ZSCAN32: variants seen among roughly 807,000 people sequenced by gnomAD.
ZSCAN32 encodes the protein zinc finger and SCAN domain-containing protein 32.
In ZSCAN32, 52 loss-of-function variants were observed where a neutral mutation model predicts 47.4. The observed-to-expected ratio is 1.10, with a 90% CI of 0.88 to 1.38. The LOEUF (loss-of-function observed/expected upper bound fraction) is 1.38, where lower values mean the gene tolerates loss of function less well. Ranked by LOEUF, ZSCAN32 falls within the 40% of genes most tolerant of loss-of-function variation. The pLI, the probability that ZSCAN32 is intolerant of heterozygous loss-of-function variation, is 0.00. For missense variants in ZSCAN32, 959 were observed against 846.0 expected, an observed-to-expected ratio of 1.13 and a Z score of -1.66; for synonymous variants, 346 against 305.7, an observed-to-expected ratio of 1.13 and a Z score of -1.38.
intron 3 of ZSCAN32, among the ~76,000 whole-genome samples, chr16:3,392,561 C>G (rs974888447): frequency 4.6e-5 from 7 of 152,092 alleles, no homozygotes; most frequent in African/African-American, 1.7e-4. Context: ...GGCGTGGTGG[C>G]TCATGCCTGT....
chr16:3,384,330 T>A, intron 6 of ZSCAN32, 129 bp downstream of exon 6: 1 of 1,375,724 alleles, frequency 7.3e-7, no homozygotes, highest in Admixed American at 2.2e-5. Context: ...AAACCAAAAC[T>A]TGGATAGGGT....
chr16:3,393,214 A>AAATATATATATATTT (rs2032971997), intron 3 of ZSCAN32, among the ~76,000 whole-genome samples: 8 of 25,294 alleles, frequency 3.2e-4, no homozygotes, highest in Non-Finnish European at 3.2e-4. Context: ...ATATTTATAT[A>AAATATATATATATTT]TATATATATA....
Position 3,382,942 on chromosome 16 carries a change from T to C in ZSCAN32, c.2004A>G (p.Arg668=). The C allele has an allele frequency of 1.9e-6, 3 of 1,613,730 alleles. No individual in the cohort carries two copies. The highest frequency in any genetic ancestry group is 2.5e-6 in the Non-Finnish European group (3 of 1,179,778). The change falls in exon 7 of 7, where the codon AGA becomes AGG. Residue 668 remains arginine, a synonymous_variant. Coordinates refer to ENST00000396852, the MANE Select transcript of ZSCAN32 (RefSeq NM_001284527.2). The part of the protein sequence containing the change: ...EKPYRCSHCE[R]GFTKNSALTR... ...TGAGGGCAGAGTTCTTAGTGAAGCCTCTCTCACAGTGAGAACACCTGTAAG... is the reference window on the plus strand; with the variant it reads ...TGAGGGCAGAGTTCTTAGTGAAGCCCCTCTCACAGTGAGAACACCTGTAAG...
chr16:3,395,243 A>G (rs751845851), intron 2 of ZSCAN32, among the ~76,000 whole-genome samples: 3 of 152,042 alleles, frequency 2.0e-5, no homozygotes, highest in Admixed American at 6.6e-5. Flanking sequence ...AATTATATCA[A>G]CCTCTATTAC....
intron 5 of ZSCAN32, among the ~76,000 whole-genome samples, chr16:3,385,212 G>A (rs1354801847): frequency 1.3e-5 from 2 of 152,108 alleles, no homozygotes; most frequent in Non-Finnish European, 2.9e-5. Flanking sequence ...TGTAGTCCCA[G>A]CTACTCAGGA....
In ZSCAN32 at chr16:3,382,692, T is replaced by C. The variant is rs1310896918; in HGVS notation, c.*160A>G. The C allele has an allele frequency of 1.6e-5, 18 of 1,143,712 alleles. No individual in the cohort carries two copies. The African/African-American group carries it at 2.3e-4, about 15-fold the overall frequency. The allele number at this position is 1,143,712 out of a possible 1,614,324, so 70.8% of individuals were successfully genotyped here. The stretch of plus-strand genomic sequence containing the variant: ...GAGTCACAGGCACAGCCAGGAGAGG[T>C]CAGCGTCCTTATGCTGACTCCTGGT... On this transcript the variant is annotated 3_prime_UTR_variant, in exon 7 of 7. Transcript: ENST00000396852.
chr16:3,398,251 T>C (rs3843728), intron 1 of ZSCAN32, among the ~76,000 whole-genome samples: 67,822 of 151,924 alleles, frequency 0.45, 17,173 homozygotes, highest in East Asian at 0.64. Context: ...TGAGATGCCT[T>C]TTCAGGCCTC....
chr16:3,388,621 G>T (rs935178468), intron 5 of ZSCAN32, among the ~76,000 whole-genome samples: 3 of 152,178 alleles, frequency 2.0e-5, no homozygotes, highest in African/African-American at 7.2e-5. Flanking sequence ...AATATTTGTG[G>T]AAAGAATGAC....
At chr16:3,393,201 T>TAAA (rs1491322244) in intron 3 of ZSCAN32, among the ~76,000 whole-genome samples, 3 of 23,072 alleles carry the variant, frequency 1.3e-4, no homozygotes, top group African/African-American at 7.4e-4. Context: ...TATATATATA[T>TAAA]TTATATTTAT....
chr16:3,395,075 G>A (rs776484509), intron 2 of ZSCAN32, among the ~76,000 whole-genome samples: 3 of 152,202 alleles, frequency 2.0e-5, no homozygotes, highest in Non-Finnish European at 2.9e-5. Flanking sequence ...GCCAGGGGCC[G>A]TGCCTGTCCT....
At chr16:3,400,701 C>G (rs1426885855) in intron 1 of ZSCAN32, among the ~76,000 whole-genome samples, 1 of 152,208 alleles carries the variant, frequency 6.6e-6, no homozygotes, top group African/African-American at 2.4e-5. Context: ...TGAGCAGGGT[C>G]AAGGCCAGGG....
intron 3 of ZSCAN32, 111 bp downstream of exon 3, chr16:3,393,538 A>T: frequency 8.9e-7 from 1 of 1,121,560 alleles, no homozygotes. Flanking sequence ...TTTTGGATGT[A>T]TTTCAAAGGC....
In ZSCAN32 at chr16:3,390,121, G is replaced by T. The variant is rs778406948; in HGVS notation, c.640C>A (p.Arg214Ser). The change falls in exon 5 of 7, where the codon CGT becomes AGT. Residue 214 changes from arginine to serine, a missense_variant. By Grantham distance (110) the Arg-to-Ser change is moderately radical. Coordinates refer to ENST00000396852, the MANE Select transcript of ZSCAN32 (RefSeq NM_001284527.2). The stretch of plus-strand genomic sequence containing the variant: ...CAGAGGGATACAGCTCTGTTGTCAC[G>T]CATGGCTGGTCCCTGTAACAACACT... ...WTAGSQGPAMRDNRAVSLCQQ... is the reference protein window; with the variant it reads ...WTAGSQGPAMSDNRAVSLCQQ... The T allele has an allele frequency of 6.2e-7, 1 of 1,611,124 alleles. No homozygotes were observed. Among genetic ancestry groups the T allele is most frequent in the East Asian group, 2.2e-5 (1 of 44,786 alleles).
chr16:3,388,304 G>T (rs1426931885), intron 5 of ZSCAN32, among the ~76,000 whole-genome samples: 1 of 152,126 alleles, frequency 6.6e-6, no homozygotes, highest in Admixed American at 6.5e-5. Context: ...CTTCCTCCAT[G>T]TAGGATATGG....
intron 2 of ZSCAN32, among the ~76,000 whole-genome samples, chr16:3,394,998 A>G (rs1275937952): frequency 6.6e-6 from 1 of 152,164 alleles, no homozygotes; most frequent in Non-Finnish European, 1.5e-5. Context: ...CTCATCTGAA[A>G]CGATCTTTAT....
chr16:3,400,781 G>A (rs1307906730), intron 1 of ZSCAN32, among the ~76,000 whole-genome samples, 164 bp downstream of exon 1: 6 of 152,186 alleles, frequency 3.9e-5, no homozygotes, highest in Non-Finnish European at 8.8e-5. Context: ...TGATCGCGGC[G>A]CGTCTGGGGA....
chr16:3,397,837 T>TGA, intron 1 of ZSCAN32, 93 bp from the exon 2 acceptor site: 1 of 233,794 alleles, frequency 4.3e-6, no homozygotes, highest in Non-Finnish European at 8.2e-6. Flanking sequence ...CTTTACTCCC[T>TGA]CCACAAATCT....
At chr16:3,394,304 TTA>T (rs1045312492) in intron 2 of ZSCAN32, among the ~76,000 whole-genome samples, 1 of 152,086 alleles carries the variant, frequency 6.6e-6, no homozygotes, top group Non-Finnish European at 1.5e-5. Flanking sequence ...TTAAGATTAT[TTA>T]TATGACAGCA....
At chr16:3,388,366 T>C (rs970257482) in intron 5 of ZSCAN32, among the ~76,000 whole-genome samples, 2 of 152,206 alleles carry the variant, frequency 1.3e-5, no homozygotes, top group Admixed American at 6.5e-5. Context: ...TGTCATTTTC[T>C]CAGTGAGGGC....
Sources: gnomAD v4.1 joint callset for allele counts (sites outside exome capture counted in the v4.1 genomes callset) on GRCh38, gnomAD v4.1.1 for gene constraint, MANE v1.5 for transcripts, NCBI Gene and HGNC (gene_info 2026-07-23, HGNC 2026-07-21) for gene names.